The following PDGFRA variants were observed in gnomAD, a reference collection of about 807,000 sequenced individuals.
The protein encoded by PDGFRA is platelet derived growth factor receptor alpha, also known as platelet-derived growth factor receptor alpha.
Under a neutral mutation model 121.5 loss-of-function variants are expected in PDGFRA, and 25 were observed. The ratio of observed to expected loss-of-function variants is 0.21; its 90% CI spans 0.15 to 0.29. The LOEUF (loss-of-function observed/expected upper bound fraction) is 0.29. Ranked by LOEUF, PDGFRA falls within the 10% of genes least tolerant of loss-of-function variation. The pLI is 1.00. For missense variants in PDGFRA, 1,008 were observed against 1,345.1 expected (o/e 0.75, Z 3.92); for synonymous variants, 463 against 494.8 (o/e 0.94, Z 0.85).
At chr4:54,290,265 G>A (rs375715676) in intron 21 of PDGFRA, 48 bp from the exon 22 acceptor site, 2 of 1,476,892 alleles carry the variant, frequency 1.4e-6, no homozygotes, top group African/African-American at 2.8e-5. Flanking sequence ...TCATTTTTGA[G>A]GTTTGGTTGT....
intron 1 of PDGFRA, among the ~76,000 whole-genome samples, chr4:54,232,297 T>G (rs1477665937): frequency 6.6e-6 from 1 of 152,190 alleles, no homozygotes; most frequent in African/African-American, 2.4e-5. Context: ...AAATGGCTTC[T>G]CCCAACTTCC....
intron 8 of PDGFRA, 76 bp downstream of exon 8, chr4:54,270,824 C>G (rs746631618): frequency 7.1e-6 from 6 of 840,644 alleles, no homozygotes; most frequent in Non-Finnish European, 1.2e-5. Context: ...CACTTTTCTC[C>G]CCGGTCATGG....
chr4:54,278,244 A>G, intron 14 of PDGFRA, 118 bp from the exon 15 acceptor site: 8 of 536,466 alleles, frequency 1.5e-5, no homozygotes, highest in East Asian at 3.2e-5. Context: ...AAAAAAAAAA[A>G]AAAAAAAAAC....
intron 22 of PDGFRA, 150 bp from the exon 23 acceptor site, chr4:54,294,975 C>T: frequency 1.3e-6 from 1 of 777,604 alleles, no homozygotes; most frequent in South Asian, 1.5e-5. Flanking sequence ...ACGTGGCCTA[C>T]CACAGCATGT....
intron 9 of PDGFRA, 119 bp from the exon 10 acceptor site, chr4:54,273,418 A>G (rs1243392691): frequency 2.6e-6 from 2 of 783,750 alleles, no homozygotes; most frequent in Non-Finnish European, 4.5e-6. Context: ...ATCAGTGTGT[A>G]TTGCCCCGAA....
intron 21 of PDGFRA, 152 bp downstream of exon 21, chr4:54,289,266 C>T (rs753353651): frequency 9.8e-5 from 68 of 696,028 alleles, no homozygotes; most frequent in Non-Finnish European, 1.7e-4. Flanking sequence ...CTCCACGAGA[C>T]CCTAGTAGCA....
At chr4:54,246,919 C>T (rs1372198504) in intron 1 of PDGFRA, among the ~76,000 whole-genome samples, 1 of 151,806 alleles carries the variant, frequency 6.6e-6, no homozygotes, top group African/African-American at 2.4e-5. Flanking sequence ...TGCAAACTAC[C>T]ATCAGAGAAT....
At chr4:54,274,998 A>G (rs2110301096) in intron 12 of PDGFRA, 25 bp downstream of exon 12, 1 of 1,613,524 alleles carries the variant, frequency 6.2e-7, no homozygotes, top group Non-Finnish European at 8.5e-7. Context: ...GTAACCTCCC[A>G]AGACTCCCTT....
At chr4:54,288,709 A>G in intron 19 of PDGFRA, 90 bp from the exon 20 acceptor site, 1 of 819,708 alleles carries the variant, frequency 1.2e-6, no homozygotes, top group Non-Finnish European at 2.2e-6. Context: ...TAGGATCTGA[A>G]AGGTTTTCTA....
intron 19 of PDGFRA, among the ~76,000 whole-genome samples, chr4:54,288,209 A>C (rs979140370): frequency 6.6e-6 from 1 of 152,152 alleles, no homozygotes; most frequent in Non-Finnish European, 1.5e-5. Flanking sequence ...TCAGAGAGGG[A>C]ACTTAACTTG....
intron 1 of PDGFRA, among the ~76,000 whole-genome samples, chr4:54,252,471 G>A (rs929582256): frequency 2.0e-5 from 3 of 152,168 alleles, no homozygotes; most frequent in Admixed American, 2.0e-4. Flanking sequence ...CTCTGGTAGG[G>A]TGCAGAGGTC....
At chr4:54,258,451 T>A (rs577949817) in intron 1 of PDGFRA, among the ~76,000 whole-genome samples, 20 of 152,070 alleles carry the variant, frequency 1.3e-4, no homozygotes, top group South Asian at 8.3e-4. Context: ...TGAGAAAAAA[T>A]ATATATATAT....
chr4:54,281,562 A>G, intron 16 of PDGFRA: 1 of 1,339,212 alleles, frequency 7.5e-7, no homozygotes, highest in Non-Finnish European at 9.8e-7. Flanking sequence ...TGTTAAAAAT[A>G]GTTTACATTG....
intron 2 of PDGFRA, among the ~76,000 whole-genome samples, chr4:54,260,234 T>C (rs1445958184): frequency 6.6e-6 from 1 of 151,820 alleles, no homozygotes; most frequent in Non-Finnish European, 1.5e-5. Flanking sequence ...AAGAAATAAA[T>C]AAACAAATAA....
chr4:54,281,677 C>G (rs1313408257), intron 16 of PDGFRA: 9 of 1,361,504 alleles, frequency 6.6e-6, no homozygotes, highest in Non-Finnish European at 8.7e-6. Context: ...TCTGGCCTTC[C>G]GTGACTATCT....
Position 54,273,711 on chromosome 4 carries a change from G to A in PDGFRA, c.1539G>A (p.Glu513=). 2 of 1,613,452 alleles carry A rather than the reference G, an allele frequency of 1.2e-6. No homozygotes were observed. The highest frequency in any genetic ancestry group is 1.7e-6 in the Non-Finnish European group (2 of 1,180,016). ...ATCTCCTTGGAGCTGAGAACCGAGA[G>A]CTGAAGCTGGTGGCTCCCAGTGAGT... ...AKNLLGAENR[E]LKLVAPTLRS... The change falls in exon 10 of 23, where the codon GAG becomes GAA. Residue 513 remains glutamate, a synonymous_variant. Transcript: ENST00000257290.
At chr4:54,268,045 T>C (rs1054441965) in intron 7 of PDGFRA, among the ~76,000 whole-genome samples, 7 of 152,220 alleles carry the variant, frequency 4.6e-5, no homozygotes, top group African/African-American at 1.4e-4. Context: ...CAGGATTGAA[T>C]AGATTGAATA....
At position 54,295,119 on chromosome 4, in the gene PDGFRA, C is replaced by G. The variant is rs1365927669; in HGVS notation, c.3123-6C>G. 1.9e-6 allele frequency: 3 copies of G among 1,613,838 alleles called. No homozygotes were observed. Among genetic ancestry groups the G allele is most frequent in the Non-Finnish European group, 2.5e-6 (3 of 1,179,732 alleles). On this transcript the variant is annotated splice_region_variant and splice_polypyrimidine_tract_variant and intron_variant, in intron 22 of 22. Coordinates refer to ENST00000257290, the MANE Select transcript of PDGFRA (RefSeq NM_006206.6). ...TGTAATATTTGCTCTTCTCTCCCTC[C>G]TCCAGCTCGCAGACCTCTGAAGAGA...
In PDGFRA at chr4:54,296,774, C is replaced by T. The variant is rs1322316972; in HGVS notation, c.*1502C>T. 4.3e-6 allele frequency: 1 copy of T among 232,986 alleles called. No homozygotes were observed. Among genetic ancestry groups the T allele is most frequent in the Non-Finnish European group, 8.5e-6 (1 of 117,962 alleles). 14.4% of individuals were successfully genotyped at this position (232,986 alleles called of 1,614,324 possible). ...GAAACAAATAATTTGAACTTTGGAA[C>T]AGGGTTGGCATTCAACCACGCAGGA... is the stretch of plus-strand genomic sequence containing the variant. On this transcript the variant is annotated 3_prime_UTR_variant, in exon 23 of 23. Coordinates refer to ENST00000257290, the MANE Select transcript of PDGFRA (RefSeq NM_006206.6).
Sources: gnomAD v4.1 joint callset for allele counts (sites outside exome capture counted in the v4.1 genomes callset) on GRCh38, gnomAD v4.1.1 for gene constraint, MANE v1.5 for transcripts, NCBI Gene and HGNC (gene_info 2026-07-23, HGNC 2026-07-21) for gene names.